The following ACTR2 variants were observed in gnomAD, a reference collection of about 807,000 sequenced individuals.
The protein encoded by ACTR2 is actin-related protein 2.
Under a neutral mutation model 50.2 loss-of-function variants are expected in ACTR2, and 5 were observed. The observed-to-expected ratio is 0.10, with a 90% CI of 0.05 to 0.21. The LOEUF (loss-of-function observed/expected upper bound fraction) is 0.21. Ranked by LOEUF, ACTR2 falls within the 10% of genes least tolerant of loss-of-function variation. The pLI is 1.00. For synonymous variants in ACTR2, 140 were observed against 162.9 expected, an observed-to-expected ratio of 0.86 and a Z score of 1.07; for missense variants, 180 against 480.6, an observed-to-expected ratio of 0.37 and a Z score of 5.85.
intron 3 of ACTR2, among the ~76,000 whole-genome samples, chr2:65,249,729 C>T (rs999115757): frequency 2.6e-5 from 4 of 152,094 alleles, no homozygotes; most frequent in African/African-American, 9.7e-5. Context: ...ATGTTCCCAG[C>T]TGACCTGGGC....
At position 65,270,319 on chromosome 2, in the gene ACTR2, T is replaced by C. The variant is rs1672467298; in HGVS notation, c.*1585T>C. 1 of 152,642 alleles carries C rather than the reference T, an allele frequency of 6.6e-6. No individual in the cohort carries two copies. The allele number at this position is 152,642 out of a possible 1,614,324, so 9.5% of individuals were successfully genotyped here. ...GGTAAGAATACATCATTAGCTTAAA[T>C]AAGCAGCAGAAGGTTAGTTTTAATT... is the stretch of plus-strand genomic sequence containing the variant. On this transcript the variant is annotated 3_prime_UTR_variant, in exon 9 of 9. Transcript: ENST00000260641.
At chr2:65,248,339 G>A (rs764044050) in intron 3 of ACTR2, among the ~76,000 whole-genome samples, 1 of 152,096 alleles carries the variant, frequency 6.6e-6, no homozygotes, top group Non-Finnish European at 1.5e-5. Context: ...GGCAGATGCT[G>A]CAGTGAGCCG....
chr2:65,261,972 T>C (rs1672277670), intron 7 of ACTR2, among the ~76,000 whole-genome samples: 1 of 152,230 alleles, frequency 6.6e-6, no homozygotes, highest in Non-Finnish European at 1.5e-5. Context: ...TTAATTTGCA[T>C]TTATTTCCCT....
Position 65,265,159 on chromosome 2 carries a change from A to G in ACTR2, c.998A>G (p.Asp333Gly). 6.2e-7 allele frequency: 1 copy of G among 1,614,208 alleles called. No homozygotes were observed. The highest frequency in any genetic ancestry group is 8.5e-7 in the Non-Finnish European group (1 of 1,180,040). Residue 333 changes from aspartate (D) to glycine (G), a missense_variant, in exon 8 of 9, where the codon GAT (aspartate) becomes GGT (glycine). Physicochemically the swap from Asp to Gly is moderately conservative, Grantham distance 94 (BLOSUM62 -1). Transcript: ENST00000260641. ...TACTTAGAACGAGTTTTGAAGGGTG[A>G]TGTGGAAAAACTTTCTGTAAGTATT... ...QLYLERVLKG[D>G]VEKLSKFKIR... is the part of the protein sequence containing the mutation.
At chr2:65,242,833 C>G (rs1671866985) in intron 2 of ACTR2, among the ~76,000 whole-genome samples, 1 of 152,094 alleles carries the variant, frequency 6.6e-6, no homozygotes, top group Non-Finnish European at 1.5e-5. Flanking sequence ...TTGTAAGAAT[C>G]TCTGACAAAA....
intron 1 of ACTR2, among the ~76,000 whole-genome samples, chr2:65,231,159 G>T (rs892923696): frequency 1.3e-5 from 2 of 151,882 alleles, no homozygotes; most frequent in African/African-American, 4.8e-5. Context: ...TGTCATAAAT[G>T]AAAAAAGTGA....
At chr2:65,249,458 T>C (rs1489910538) in intron 3 of ACTR2, among the ~76,000 whole-genome samples, 1 of 152,226 alleles carries the variant, frequency 6.6e-6, no homozygotes, top group Non-Finnish European at 1.5e-5. Flanking sequence ...TGCTTTCACA[T>C]TGGTATGTGC....
At chr2:65,230,395 C>T (rs957476452) in intron 1 of ACTR2, among the ~76,000 whole-genome samples, 7 of 147,080 alleles carry the variant, frequency 4.8e-5, no homozygotes, top group South Asian at 2.1e-4. Flanking sequence ...GAATGTTAAC[C>T]GAAGCTGATT....
At chr2:65,229,477 C>G (rs1558618246) in intron 1 of ACTR2, among the ~76,000 whole-genome samples, 1 of 151,858 alleles carries the variant, frequency 6.6e-6, no homozygotes, top group Non-Finnish European at 1.5e-5. Context: ...ACATTGAGGC[C>G]AGGCGCGGTG....
At chr2:65,248,693 G>A (rs1671987721) in intron 3 of ACTR2, among the ~76,000 whole-genome samples, 1 of 152,074 alleles carries the variant, frequency 6.6e-6, no homozygotes. Context: ...AAAAGGCCAA[G>A]GACCAGAGAG....
At chr2:65,257,057 T>C (rs532999826) in intron 6 of ACTR2, among the ~76,000 whole-genome samples, 1 of 152,252 alleles carries the variant, frequency 6.6e-6, no homozygotes, top group African/African-American at 2.4e-5. Flanking sequence ...CAACCTGTCA[T>C]CTGCATTAGA....
intron 1 of ACTR2, among the ~76,000 whole-genome samples, chr2:65,235,476 G>C (rs984588173): frequency 6.6e-6 from 1 of 152,200 alleles, no homozygotes; most frequent in East Asian, 1.9e-4. Flanking sequence ...AGTAATCCAG[G>C]CTGGGTGCCG....
intron 2 of ACTR2, among the ~76,000 whole-genome samples, chr2:65,244,686 GC>G (rs1317622319): frequency 6.6e-6 from 1 of 152,094 alleles, no homozygotes; most frequent in Non-Finnish European, 1.5e-5. Flanking sequence ...GGTGATTCAT[GC>G]CTATAATCCT....
rs375439057 is a variant in ACTR2, at chr2:65,245,255, C to T, written c.160-1269C>T. On this transcript the variant is annotated intron_variant, in intron 2 of 8. Transcript: ENST00000260641. ...CTCATGTTGGCCAGGTGTGGTGGCT[C>T]ATGCCTGTAATCCCAACACTTTGGG... 5.9e-5 allele frequency among the ~76,000 whole-genome samples: 9 copies of T among 151,910 alleles called. No individual in the cohort carries two copies. The East Asian group carries it at 1.4e-3, about 23-fold the overall frequency.
At position 65,241,906 on chromosome 2, in the gene ACTR2, A is replaced by C. The variant is rs1671846391; in HGVS notation, c.159+1944A>C. ...TGGCCCTAATTATTAACTCCATTAAATATAGTAGTACTGCATCTGACCTCA... is the reference window on the plus strand; with the variant it reads ...TGGCCCTAATTATTAACTCCATTAACTATAGTAGTACTGCATCTGACCTCA... On this transcript the variant is annotated intron_variant, in intron 2 of 8. Coordinates refer to ENST00000260641, the MANE Select transcript of ACTR2 (RefSeq NM_005722.4). 4.3e-6 allele frequency: 4 copies of C among 935,002 alleles called. No homozygotes were observed. The East Asian group carries it at 1.0e-4, about 23-fold the overall frequency. 57.9% of individuals were successfully genotyped at this position (935,002 alleles called of 1,614,324 possible).
intron 4 of ACTR2, among the ~76,000 whole-genome samples, chr2:65,252,422 C>T (rs958269937): frequency 2.0e-5 from 3 of 151,514 alleles, no homozygotes; most frequent in South Asian, 2.1e-4. Context: ...GGGTGGATCA[C>T]GAGGTCAGGA....
intron 8 of ACTR2, among the ~76,000 whole-genome samples, chr2:65,267,224 A>G (rs960701391): frequency 6.6e-6 from 1 of 152,290 alleles, no homozygotes; most frequent in Non-Finnish European, 1.5e-5. Flanking sequence ...ATTTGTTTAC[A>G]TAATGTTACC....
Position 65,251,098 on chromosome 2 carries a change from A to G in ACTR2, c.447A>G (p.Gln149=), listed in dbSNP as rs747811248. 47 of 1,598,920 alleles carry G rather than the reference A, an allele frequency of 2.9e-5. No individual in the cohort carries two copies. The highest frequency in any genetic ancestry group is 3.8e-5 in the Non-Finnish European group (45 of 1,172,284). The change falls in exon 4 of 9, where the codon CAA becomes CAG. Residue 149 remains glutamine (Q), a splice_region_variant and synonymous_variant. Transcript: ENST00000260641. Reference sequence around the variant, plus strand: ...AGGCAGTTCTGACTTTGTACGCTCAAGGTAGGTTAAGCTTAACTGTTAGAA... The same window carrying G: ...AGGCAGTTCTGACTTTGTACGCTCAGGGTAGGTTAAGCTTAACTGTTAGAA... ...AIQAVLTLYA[Q]GLLTGVVVDS...
chr2:65,245,507 G>A (rs971332690), intron 2 of ACTR2, among the ~76,000 whole-genome samples: 12 of 152,264 alleles, frequency 7.9e-5, no homozygotes, highest in African/African-American at 2.9e-4. Flanking sequence ...GCAGTAGAGC[G>A]AGACTCAGTC....
Sources: gnomAD v4.1 joint callset for allele counts (sites outside exome capture counted in the v4.1 genomes callset) on GRCh38, gnomAD v4.1.1 for gene constraint, MANE v1.5 for transcripts, NCBI Gene and HGNC (gene_info 2026-07-23, HGNC 2026-07-21) for gene names.